IGSF21: variants seen among roughly 807,000 people sequenced by gnomAD.
IGSF21 encodes the protein immunoglobulin superfamily member 21.
IGSF21 carries 28 observed loss-of-function variants against 46.8 expected under a neutral mutation model. The ratio of observed to expected loss-of-function variants is 0.60; its 90% CI spans 0.44 to 0.82. The LOEUF (loss-of-function observed/expected upper bound fraction) is 0.82. IGSF21 is among the 40% of genes least tolerant of loss of function. The probability of loss-of-function intolerance (pLI) is 0.00; values close to 1 mark genes in which losing one functional copy is unlikely to be tolerated. For missense variants in IGSF21, 624 were observed against 665.5 expected, an observed-to-expected ratio of 0.94 and a Z score of 0.69; for synonymous variants, 284 against 273.6, an observed-to-expected ratio of 1.04 and a Z score of -0.38.
At chr1:18,165,239 G>T (rs1167206112) in intron 1 of IGSF21, among the ~76,000 whole-genome samples, 1 of 152,080 alleles carries the variant, frequency 6.6e-6, no homozygotes, top group Non-Finnish European at 1.5e-5. Flanking sequence ...AACAGAAATG[G>T]TTTTTCCCAC....
intron 1 of IGSF21, among the ~76,000 whole-genome samples, chr1:18,146,797 T>C (rs565452689): frequency 6.6e-6 from 1 of 152,294 alleles, no homozygotes; most frequent in East Asian, 1.9e-4. Flanking sequence ...TCTGTCTTCA[T>C]GTTCTATCTT....
intron 3 of IGSF21, among the ~76,000 whole-genome samples, chr1:18,329,496 A>G (rs1352538414): frequency 6.6e-6 from 1 of 152,154 alleles, no homozygotes; most frequent in African/African-American, 2.4e-5. Flanking sequence ...ATACTCCTTG[A>G]GCACCTACCA....
At chr1:18,282,521 A>G (rs1158236380) in intron 2 of IGSF21, among the ~76,000 whole-genome samples, 1 of 152,010 alleles carries the variant, frequency 6.6e-6, no homozygotes, top group African/African-American at 2.4e-5. Flanking sequence ...TGGGGGGCTC[A>G]GGTGTTTGGG....
rs200292815 is a variant in IGSF21 at position 18,291,957 on chromosome 1, G to A, written c.275G>A (p.Arg92Gln). ...NYSHMENYRK[R>Q]EDLVYQSTVR... ...TCACACATGGAGAACTACCGCAAGC[G>A]AGAGGACCTGGTGTACCAGTCCACT... is the stretch of plus-strand genomic sequence containing the variant. The change falls in exon 3 of 10, where the codon CGA (arginine) becomes CAA (glutamine). Residue 92 changes from arginine to glutamine, a missense_variant. Coordinates refer to ENST00000251296, the MANE Select transcript of IGSF21 (RefSeq NM_032880.5). The A allele has an allele frequency of 4.5e-5, 72 of 1,613,996 alleles. No homozygotes were observed. The highest frequency in any genetic ancestry group is 6.7e-5 in the Admixed American group (4 of 60,008).
chr1:18,120,684 C>T (rs1295697841), intron 1 of IGSF21, among the ~76,000 whole-genome samples: 1 of 152,172 alleles, frequency 6.6e-6, no homozygotes, highest in Non-Finnish European at 1.5e-5. Flanking sequence ...TCCCAGGCTC[C>T]ATGGTAGATT....
intron 2 of IGSF21, among the ~76,000 whole-genome samples, chr1:18,250,360 T>C (rs942555612): frequency 1.5e-4 from 23 of 151,786 alleles, no homozygotes; most frequent in African/African-American, 5.6e-4. Flanking sequence ...ACAGAGTAAG[T>C]GCTTTTGCAC....
chr1:18,134,560 G>A (rs2086351530), intron 1 of IGSF21, among the ~76,000 whole-genome samples: 1 of 152,218 alleles, frequency 6.6e-6, no homozygotes, highest in Non-Finnish European at 1.5e-5. Context: ...CATTAGGCCA[G>A]AGCAGGGCAG....
At chr1:18,263,448 A>T (rs111767893) in intron 2 of IGSF21, among the ~76,000 whole-genome samples, 99 of 151,350 alleles carry the variant, frequency 6.5e-4, no homozygotes, top group African/African-American at 2.3e-3. Flanking sequence ...GAACCAGGCG[A>T]ATGCACATCT....
intron 1 of IGSF21, among the ~76,000 whole-genome samples, chr1:18,217,934 T>C (rs2084466227): frequency 2.0e-5 from 3 of 152,246 alleles, no homozygotes; most frequent in Admixed American, 2.0e-4. Flanking sequence ...AGAAATCCTT[T>C]GAAAACTGCC....
At chr1:18,115,759 A>G (rs1373840498) in intron 1 of IGSF21, 2 of 151,810 alleles carry the variant, frequency 1.3e-5, no homozygotes, top group Non-Finnish European at 2.9e-5. Context: ...TTGGGAAGGT[A>G]AAGAAAGAAG....
intron 2 of IGSF21, 73 bp from the exon 3 acceptor site, chr1:18,291,793 C>T (rs1459163416): frequency 4.5e-6 from 7 of 1,566,646 alleles, no homozygotes; most frequent in Non-Finnish European, 6.1e-6. Flanking sequence ...TGCATCTTGT[C>T]AGTGTCCTGG....
chr1:18,253,549 A>G (rs947431417), intron 2 of IGSF21, among the ~76,000 whole-genome samples: 1 of 152,240 alleles, frequency 6.6e-6, no homozygotes, highest in African/African-American at 2.4e-5. Context: ...AAGTAGCTCA[A>G]TAAAGAGAAT....
At chr1:18,221,949 C>T (rs564848291) in intron 1 of IGSF21, among the ~76,000 whole-genome samples, 1 of 152,132 alleles carries the variant, frequency 6.6e-6, no homozygotes, top group Admixed American at 6.5e-5. Context: ...AGCAGGAAGA[C>T]CCCCAAAATC....
intron 6 of IGSF21, among the ~76,000 whole-genome samples, chr1:18,368,341 T>TA (rs34608095): frequency 0.069 from 10,102 of 147,244 alleles, 648 homozygotes; most frequent in African/African-American, 0.17. Flanking sequence ...CCATCTCTAC[T>TA]AAAAAAAAAA....
intron 3 of IGSF21, among the ~76,000 whole-genome samples, chr1:18,306,646 C>T (rs1023212408): frequency 2.5e-4 from 38 of 152,162 alleles, no homozygotes; most frequent in African/African-American, 8.9e-4. Context: ...TACGGATAAG[C>T]GAATTCCTGA....
intron 2 of IGSF21, among the ~76,000 whole-genome samples, chr1:18,282,089 C>T (rs1039710636): frequency 6.6e-6 from 1 of 152,048 alleles, no homozygotes; most frequent in Non-Finnish European, 1.5e-5. Context: ...CTCTGAATGA[C>T]CTCCTAGGGC....
intron 1 of IGSF21, among the ~76,000 whole-genome samples, chr1:18,160,535 C>T (rs139525630): frequency 1.5e-4 from 23 of 151,986 alleles, no homozygotes; most frequent in East Asian, 7.7e-4. Context: ...TCTAGCTGGG[C>T]GAACTTGTGT....
intron 3 of IGSF21, among the ~76,000 whole-genome samples, chr1:18,308,489 G>A (rs964770082): frequency 2.0e-5 from 3 of 152,174 alleles, no homozygotes; most frequent in African/African-American, 2.4e-5. Context: ...GCACCTGTAC[G>A]GTTTAAATAT....
At chr1:18,259,115 T>G (rs1435286476) in intron 2 of IGSF21, among the ~76,000 whole-genome samples, 2 of 152,152 alleles carry the variant, frequency 1.3e-5, no homozygotes, top group Non-Finnish European at 2.9e-5. Context: ...AGGAGAAAGA[T>G]TACTCTTAGG....
Sources: gnomAD v4.1 joint callset for allele counts (sites outside exome capture counted in the v4.1 genomes callset) on GRCh38, gnomAD v4.1.1 for gene constraint, MANE v1.5 for transcripts, NCBI Gene and HGNC (gene_info 2026-07-23, HGNC 2026-07-21) for gene names.